DPP6: variants seen among roughly 807,000 people sequenced by gnomAD.
DPP6 encodes the protein A-type potassium channel modulatory protein DPP6.
A neutral mutation model predicts 122.6 loss-of-function variants in DPP6; 69 were observed. The observed-to-expected ratio is 0.56, with a 90% CI of 0.46 to 0.69. DPP6 has a LOEUF of 0.69. Ranked by LOEUF, DPP6 falls within the 30% of genes least tolerant of loss-of-function variation. DPP6 has a pLI of 0.00. For missense variants in DPP6, 928 were observed against 1,116.9 expected (o/e 0.83, Z 2.41); for synonymous variants, 418 against 433.1 (o/e 0.97, Z 0.43).
chr7:154,165,587 C>T (rs1015125420), intron 1 of DPP6, among the ~76,000 whole-genome samples: 2 of 151,644 alleles, frequency 1.3e-5, no homozygotes, highest in African/African-American at 4.9e-5. Context: ...GCCACACTGA[C>T]TTCCACAATG....
intron 1 of DPP6, among the ~76,000 whole-genome samples, chr7:154,188,470 G>A (rs909805439): frequency 3.3e-5 from 5 of 151,976 alleles, no homozygotes; most frequent in Non-Finnish European, 7.4e-5. Context: ...CAATCTAGTG[G>A]GGGTGAGAGA....
chr7:154,664,849 A>G (rs1413465277), intron 6 of DPP6, among the ~76,000 whole-genome samples: 4 of 152,172 alleles, frequency 2.6e-5, no homozygotes, highest in Admixed American at 6.5e-5. Context: ...AAAATCTCCC[A>G]TATTTCTCAT....
chr7:154,568,507 C>T (rs922140844), intron 5 of DPP6, among the ~76,000 whole-genome samples: 13 of 152,168 alleles, frequency 8.5e-5, no homozygotes, highest in African/African-American at 3.1e-4. Flanking sequence ...GAGGGGTTCC[C>T]GCAGCCGTGT....
intron 1 of DPP6, among the ~76,000 whole-genome samples, chr7:153,907,324 A>G (rs1407934972): frequency 3.9e-5 from 6 of 152,172 alleles, no homozygotes; most frequent in African/African-American, 1.4e-4. Flanking sequence ...GTGTGGATCA[A>G]ATCACAGCTG....
chr7:154,813,247 AT>A (rs927972585), intron 16 of DPP6, among the ~76,000 whole-genome samples: 5 of 150,548 alleles, frequency 3.3e-5, no homozygotes, highest in Admixed American at 3.3e-4. Flanking sequence ...TGCCCAGCTA[AT>A]TTTTTTTTGT....
At chr7:154,477,531 C>CG (rs1563732475) in intron 3 of DPP6, among the ~76,000 whole-genome samples, 1 of 148,944 alleles carries the variant, frequency 6.7e-6, no homozygotes, top group Admixed American at 6.7e-5. Flanking sequence ...CATTCCATGC[C>CG]AAAAAAAAAA....
At chr7:153,829,775 T>C in the DPP6 span, among the ~76,000 whole-genome samples, 1 of 152,212 alleles carries the variant, frequency 6.6e-6, no homozygotes, top group African/African-American at 2.4e-5. Flanking sequence ...AACAGTGTGG[T>C]GTCCAACAGG....
chr7:154,368,188 G>A (rs112042596), intron 1 of DPP6, among the ~76,000 whole-genome samples: 4 of 152,286 alleles, frequency 2.6e-5, no homozygotes, highest in East Asian at 1.9e-4. Flanking sequence ...ACCTTATAGC[G>A]TAAACCACAA....
intron 5 of DPP6, among the ~76,000 whole-genome samples, chr7:154,596,702 G>A (rs561191626): frequency 9.2e-5 from 14 of 152,300 alleles, no homozygotes; most frequent in African/African-American, 2.9e-4. Flanking sequence ...AAGAAATGGC[G>A]TCAACACTGA....
intron 1 of DPP6, among the ~76,000 whole-genome samples, chr7:154,011,208 A>G (rs1300101922): frequency 6.6e-6 from 1 of 152,204 alleles, no homozygotes; most frequent in East Asian, 1.9e-4. Context: ...AGGCTTGCAT[A>G]TTCCATCACA....
intron 1 of DPP6, among the ~76,000 whole-genome samples, chr7:154,440,568 A>G (rs1005074398): frequency 4.6e-5 from 7 of 152,228 alleles, no homozygotes; most frequent in Admixed American, 2.6e-4. Context: ...ATCCTCTGGA[A>G]TTATTTAAAG....
chr7:154,703,754 G>T (rs557229373), intron 7 of DPP6, among the ~76,000 whole-genome samples: 9 of 152,024 alleles, frequency 5.9e-5, no homozygotes, highest in African/African-American at 2.2e-4. Flanking sequence ...GGCTAACACC[G>T]TGAAACCCCG....
intron 3 of DPP6, among the ~76,000 whole-genome samples, chr7:154,489,122 T>A (rs943212994): frequency 3.9e-5 from 6 of 152,180 alleles, no homozygotes; most frequent in African/African-American, 1.4e-4. Flanking sequence ...TGCCCCTTTT[T>A]CTCTTGTTTA....
intron 1 of DPP6, among the ~76,000 whole-genome samples, chr7:153,901,035 G>C (rs1185061854): frequency 1.3e-5 from 2 of 152,018 alleles, no homozygotes; most frequent in Non-Finnish European, 2.9e-5. Flanking sequence ...TACTTACAGT[G>C]GTTCATTTTT....
chr7:154,795,061 C>A (rs936700969), intron 11 of DPP6, among the ~76,000 whole-genome samples: 3 of 151,932 alleles, frequency 2.0e-5, no homozygotes, highest in South Asian at 2.1e-4. Flanking sequence ...TAACCTGGGG[C>A]GGATTCCAGG....
intron 22 of DPP6, among the ~76,000 whole-genome samples, chr7:154,886,895 C>G (rs1376561453): frequency 6.6e-6 from 1 of 152,282 alleles, no homozygotes; most frequent in Admixed American, 6.5e-5. Context: ...CAAATTTTAA[C>G]TCGTACAGGA....
At chr7:153,830,553 G>A in the DPP6 span, among the ~76,000 whole-genome samples, 1 of 152,182 alleles carries the variant, frequency 6.6e-6, no homozygotes, top group Non-Finnish European at 1.5e-5. Context: ...GGTCCACAGA[G>A]ATGAAGAATA....
At chr7:153,836,923 A>G in the DPP6 span, among the ~76,000 whole-genome samples, 1 of 152,184 alleles carries the variant, frequency 6.6e-6, no homozygotes, top group Non-Finnish European at 1.5e-5. Flanking sequence ...ATTACCCTCT[A>G]TCTTGTGGCT....
chr7:154,796,695 G>T (rs1454660706), intron 12 of DPP6, among the ~76,000 whole-genome samples: 1 of 152,158 alleles, frequency 6.6e-6, no homozygotes, highest in Non-Finnish European at 1.5e-5. Flanking sequence ...CTTCTTCATC[G>T]ATATGGTGGA....
Sources: gnomAD v4.1 joint callset for allele counts (sites outside exome capture counted in the v4.1 genomes callset) on GRCh38, gnomAD v4.1.1 for gene constraint, MANE v1.5 for transcripts, NCBI Gene and HGNC (gene_info 2026-07-23, HGNC 2026-07-21) for gene names.